GRIP1: variants seen among roughly 807,000 people sequenced by gnomAD.
GRIP1 encodes the protein glutamate receptor-interacting protein 1.
A neutral mutation model predicts 129.9 loss-of-function variants in GRIP1; 45 were observed. The ratio of observed to expected loss-of-function variants is 0.35; its 90% confidence interval spans 0.27 to 0.44. The LOEUF is 0.44. Ranked by LOEUF, GRIP1 falls within the 20% of genes least tolerant of loss-of-function variation. GRIP1 has a pLI of 1.00. For synonymous variants in GRIP1, 530 were observed against 520.8 expected (o/e 1.02, Z -0.24); for missense variants, 1,196 against 1,396.8 (o/e 0.86, Z 2.29).
intron 1 of GRIP1, among the ~76,000 whole-genome samples, chr12:66,906,508 T>C (rs10878529): frequency 0.26 from 39,471 of 152,018 alleles, 5,537 homozygotes; most frequent in East Asian, 0.45. Flanking sequence ...TCCTTATTAC[T>C]CTCAGTACTG....
chr12:66,858,896 GT>G (rs1395306069), intron 1 of GRIP1, among the ~76,000 whole-genome samples: 1 of 151,590 alleles, frequency 6.6e-6, no homozygotes, highest in Non-Finnish European at 1.5e-5. Flanking sequence ...TGACTTTTTT[GT>G]GGTTGTTGGT....
chr12:66,624,070 AT>A (rs1160876232), intron 1 of GRIP1, among the ~76,000 whole-genome samples: 6 of 152,172 alleles, frequency 3.9e-5, no homozygotes, highest in Admixed American at 3.9e-4. Flanking sequence ...ACTGTGCTAG[AT>A]GATGGAAATA....
chr12:66,612,895 T>C lies in GRIP1; in HGVS notation c.56-15968A>G, dbSNP rs1283390770. Reference sequence around the variant, plus strand: ...TAGAAAAAACTCATGCAAATGAAGATTTTTAAAAGAATGTTCTTCTTCATA... The same window carrying C: ...TAGAAAAAACTCATGCAAATGAAGACTTTTAAAAGAATGTTCTTCTTCATA... On this transcript the variant is annotated intron_variant, in intron 1 of 24. Coordinates refer to ENST00000359742, the MANE Select transcript of GRIP1 (RefSeq NM_001366722.1). Among the ~76,000 whole-genome samples, 6 of 152,126 alleles carry C rather than the reference T, an allele frequency of 3.9e-5. No individual in the cohort carries two copies. In the East Asian group the frequency reaches 1.2e-3, roughly 29 times the overall value.
chr12:66,937,640 GA>G (rs1272434104), intron 1 of GRIP1, among the ~76,000 whole-genome samples: 2 of 152,160 alleles, frequency 1.3e-5, no homozygotes, highest in African/African-American at 4.8e-5. Context: ...ACAGTCAGAG[GA>G]AAGAATTATG....
intron 1 of GRIP1, among the ~76,000 whole-genome samples, chr12:66,942,282 GTTC>G (rs2041598671): frequency 6.8e-6 from 1 of 147,628 alleles, no homozygotes; most frequent in Non-Finnish European, 1.5e-5. Flanking sequence ...CAATTTTTCT[GTTC>G]TTATTTTTTT....
At chr12:66,930,270 C>T (rs572327313) in intron 1 of GRIP1, among the ~76,000 whole-genome samples, 2 of 117,190 alleles carry the variant, frequency 1.7e-5, no homozygotes, top group East Asian at 2.8e-4. Context: ...CCCCACCCCA[C>T]AACAGTCCCC....
intron 1 of GRIP1, among the ~76,000 whole-genome samples, chr12:67,042,543 T>C (rs1198721145): frequency 6.6e-6 from 1 of 152,214 alleles, no homozygotes; most frequent in Non-Finnish European, 1.5e-5. Flanking sequence ...CCAGGCATTC[T>C]TTTTCTTAAC....
At chr12:66,945,619 T>C (rs917324158) in intron 1 of GRIP1, among the ~76,000 whole-genome samples, 1 of 152,080 alleles carries the variant, frequency 6.6e-6, no homozygotes, top group African/African-American at 2.4e-5. Context: ...TTGTGAGAAC[T>C]CACCTACTAT....
At chr12:66,369,340 C>CTTTTTTTTTTTTT (rs758593628) in intron 23 of GRIP1, among the ~76,000 whole-genome samples, 1 of 106,790 alleles carries the variant, frequency 9.4e-6, no homozygotes, top group Non-Finnish European at 1.9e-5. Context: ...TTAACAAGAT[C>CTTTTTTTTTTTTT]TTTTTTTTTT....
rs143154560 is a variant in GRIP1 at position 66,750,013 on chromosome 12, C to T, written c.-420+54040G>A. Among the ~76,000 whole-genome samples the T allele has an allele frequency of 2.6e-5, 4 of 152,294 alleles. No individual in the cohort carries two copies. The East Asian group carries it at 7.7e-4, about 29-fold the overall frequency. ...GAGGTAATCTGTACTGATTCTGCTG[C>T]CTCCCCAAAGTCAACCCCAACAAAC... On this transcript the variant is annotated intron_variant, in intron 1 of 4. Transcript: ENST00000538373.
chr12:66,775,443 G>C (rs2037949682), intron 1 of GRIP1, among the ~76,000 whole-genome samples: 1 of 152,150 alleles, frequency 6.6e-6, no homozygotes, highest in African/African-American at 2.4e-5. Context: ...AATATAGTTA[G>C]AGGAAATTAA....
intron 20 of GRIP1, 78 bp from the exon 21 acceptor site, chr12:66,377,363 T>C (rs2055845498): frequency 2.1e-6 from 2 of 954,364 alleles, no homozygotes; most frequent in Admixed American, 3.4e-5. Context: ...AGTCTCTCTC[T>C]GTCGCCCAGG....
intron 1 of GRIP1, among the ~76,000 whole-genome samples, chr12:66,608,514 G>T (rs949163519): frequency 6.6e-6 from 1 of 152,064 alleles, no homozygotes; most frequent in African/African-American, 2.4e-5. Context: ...TATATTTTTA[G>T]TAGAGATGGG....
chr12:66,790,179 A>T (rs2038484775), intron 1 of GRIP1, among the ~76,000 whole-genome samples: 1 of 152,200 alleles, frequency 6.6e-6, no homozygotes, highest in Non-Finnish European at 1.5e-5. Flanking sequence ...AAAGATATCA[A>T]CAATAAACTG....
intron 7 of GRIP1, among the ~76,000 whole-genome samples, chr12:66,493,566 AGG>A: frequency 6.6e-6 from 1 of 152,300 alleles, no homozygotes; most frequent in Non-Finnish European, 1.5e-5. Context: ...ACAGAAATTG[AGG>A]GAACTCCTGA....
chr12:66,525,267 T>A lies in GRIP1; in HGVS notation c.502+4564A>T, dbSNP rs550940038. On this transcript the variant is annotated intron_variant, in intron 5 of 24. Transcript: ENST00000359742. ...GACCAATATGCTTGATGAACATTGA[T>A]GCAAAAATCCTCAATAAAATACTGG... 5.9e-5 allele frequency among the ~76,000 whole-genome samples: 9 copies of A among 152,266 alleles called. No homozygotes were observed. The South Asian group carries it at 1.9e-3, about 32-fold the overall frequency.
At chr12:66,601,748 T>A (rs2064287690) in intron 1 of GRIP1, among the ~76,000 whole-genome samples, 1 of 152,206 alleles carries the variant, frequency 6.6e-6, no homozygotes, top group African/African-American at 2.4e-5. Context: ...ACAGTGTTCA[T>A]GCATGTCCTT....
intron 1 of GRIP1, among the ~76,000 whole-genome samples, chr12:66,667,852 G>A (rs924172160): frequency 1.3e-5 from 2 of 152,100 alleles, no homozygotes; most frequent in African/African-American, 2.4e-5. Flanking sequence ...CTTGTTCTCT[G>A]CCTCCTTCCT....
At chr12:66,886,820 G>A (rs993680074) in intron 1 of GRIP1, among the ~76,000 whole-genome samples, 6 of 152,158 alleles carry the variant, frequency 3.9e-5, no homozygotes, top group African/African-American at 1.4e-4. Context: ...ACAATACCGT[G>A]AAGAAGTGAT....
Sources: allele counts gnomAD v4.1 joint callset (sites outside exome capture counted in the v4.1 genomes callset), GRCh38; gene constraint gnomAD v4.1.1; transcripts MANE v1.5; gene names NCBI Gene and HGNC (gene_info 2026-07-23, HGNC 2026-07-21).